The following DSE variants were observed in gnomAD, a reference collection of about 807,000 sequenced individuals.
DSE encodes the protein dermatan-sulfate epimerase.
Under a neutral mutation model 84.4 loss-of-function variants are expected in DSE, and 36 were observed. The ratio of observed to expected loss-of-function variants is 0.43; its 90% confidence interval spans 0.33 to 0.56. The LOEUF is 0.56. Ranked by LOEUF, DSE falls within the 20% of genes least tolerant of loss-of-function variation. The pLI is 0.06. For synonymous variants in DSE, 410 were observed against 430.1 expected, an observed-to-expected ratio of 0.95 and a Z score of 0.58; for missense variants, 862 against 1,169.6, an observed-to-expected ratio of 0.74 and a Z score of 3.84.
chr6:116,278,304 A>G (rs1463967300), intron 2 of DSE: 3 of 600,966 alleles, frequency 5.0e-6, no homozygotes, highest in Non-Finnish European at 8.9e-6. Context: ...GTGATATTCC[A>G]GAACAGCATG....
chr6:116,302,926 A>G (rs1481060097), intron 2 of DSE, among the ~76,000 whole-genome samples: 1 of 152,122 alleles, frequency 6.6e-6, no homozygotes, highest in Non-Finnish European at 1.5e-5. Flanking sequence ...TGTTTTTGTC[A>G]GGTTTGTCAA....
chr6:116,297,879 T>A (rs1018082876), intron 2 of DSE, among the ~76,000 whole-genome samples: 9 of 152,166 alleles, frequency 5.9e-5, no homozygotes, highest in Non-Finnish European at 1.0e-4. Context: ...GTTAAACTAT[T>A]GTTACCAGGA....
intron 1 of DSE, chr6:116,257,299 A>G (rs901477471): frequency 6.6e-6 from 1 of 152,216 alleles, no homozygotes; most frequent in East Asian, 1.9e-4. Flanking sequence ...GGTTTATCCA[A>G]GATCACACAG....
At chr6:116,254,197 A>G in exon 1 of DSE, 3 of 723,034 alleles carry the variant, frequency 4.1e-6, no homozygotes, top group Non-Finnish European at 4.9e-6. Flanking sequence ...ACGCTTATCA[A>G]TCCATCGTAT....
intron 2 of DSE, among the ~76,000 whole-genome samples, chr6:116,272,972 A>C (rs554398932): frequency 6.6e-6 from 1 of 152,208 alleles, no homozygotes; most frequent in Admixed American, 6.5e-5. Context: ...TAAGCTCTCA[A>C]ATGTTTCTGT....
intron 2 of DSE, among the ~76,000 whole-genome samples, chr6:116,309,797 C>T (rs1436657047): frequency 1.3e-5 from 2 of 152,086 alleles, no homozygotes; most frequent in Admixed American, 6.5e-5. Flanking sequence ...GGCAGAAGGA[C>T]AAAAAGGGAG....
intron 2 of DSE, among the ~76,000 whole-genome samples, chr6:116,300,103 ATAAAG>A (rs1429159984): frequency 6.6e-6 from 1 of 152,212 alleles, no homozygotes; most frequent in Non-Finnish European, 1.5e-5. Context: ...TAGTAAGAGA[ATAAAG>A]AAAAGACAGA....
intron 2 of DSE, among the ~76,000 whole-genome samples, chr6:116,403,412 T>C (rs1339861889): frequency 6.6e-6 from 1 of 151,394 alleles, no homozygotes; most frequent in East Asian, 1.9e-4. Context: ...ATTTAATAAA[T>C]TTTATTAAAT....
intron 1 of DSE, among the ~76,000 whole-genome samples, chr6:116,379,594 A>C (rs906659706): frequency 6.6e-6 from 1 of 152,156 alleles, no homozygotes; most frequent in Non-Finnish European, 1.5e-5. Context: ...ATTCCTTCTT[A>C]AACTATTTTG....
At chr6:116,278,943 T>C (rs534170210) in intron 2 of DSE, 1 of 1,614,136 alleles carries the variant, frequency 6.2e-7, no homozygotes, top group East Asian at 2.2e-5. Flanking sequence ...TCTCTGCATC[T>C]TGGCCCCTAA....
intron 2 of DSE, among the ~76,000 whole-genome samples, chr6:116,425,624 A>ATT (rs757527963): frequency 1.2e-5 from 1 of 83,500 alleles, no homozygotes; most frequent in Non-Finnish European, 2.5e-5. Context: ...TTTTTATTTT[A>ATT]TTTTATTTTT....
Position 116,259,163 on chromosome 6 carries a change from G to A in DSE, c.-54+196G>A, listed in dbSNP as rs2114592232. 12 of 893,024 alleles carry A rather than the reference G, an allele frequency of 1.3e-5. No individual in the cohort carries two copies. The South Asian group carries it at 1.5e-4, about 12-fold the overall frequency. The allele number at this position is 893,024 out of a possible 1,614,324, so 55.3% of individuals were successfully genotyped here. ...CTCTGTTGCTCGACGTAGACCATGC[G>A]CCACCCTGGCACAGACAGGAAGAGC... On this transcript the variant is annotated intron_variant, in intron 2 of 3. Coordinates refer to the DSE transcript ENST00000430252.
At chr6:116,393,441 A>C (rs550120530) in intron 1 of DSE, among the ~76,000 whole-genome samples, 1 of 152,338 alleles carries the variant, frequency 6.6e-6, no homozygotes, top group African/African-American at 2.4e-5. Flanking sequence ...ATGAAGATTT[A>C]GTTTCTTTCA....
intron 1 of DSE, among the ~76,000 whole-genome samples, chr6:116,392,252 A>T (rs1424437024): frequency 6.6e-6 from 1 of 152,136 alleles, no homozygotes; most frequent in Non-Finnish European, 1.5e-5. Flanking sequence ...TAAAACTTCA[A>T]TGGAGGCCTG....
At chr6:116,349,618 G>C (rs1394815842) in intron 2 of DSE, among the ~76,000 whole-genome samples, 1 of 152,170 alleles carries the variant, frequency 6.6e-6, no homozygotes, top group Non-Finnish European at 1.5e-5. Context: ...TACCAAATAT[G>C]CTGCTGGGAG....
At chr6:116,386,795 C>A (rs1780602862) in intron 1 of DSE, among the ~76,000 whole-genome samples, 1 of 152,190 alleles carries the variant, frequency 6.6e-6, no homozygotes, top group African/African-American at 2.4e-5. Flanking sequence ...GGTAAAGGGC[C>A]AGTCCTGAAG....
At chr6:116,337,235 T>C (rs1777309808) in intron 2 of DSE, among the ~76,000 whole-genome samples, 1 of 152,162 alleles carries the variant, frequency 6.6e-6, no homozygotes, top group Admixed American at 6.6e-5. Context: ...CTCATATATA[T>C]GAGGAAAATA....
At chr6:116,403,850 T>TA (rs1781753892) in intron 2 of DSE, among the ~76,000 whole-genome samples, 1 of 152,174 alleles carries the variant, frequency 6.6e-6, no homozygotes, top group Non-Finnish European at 1.5e-5. Context: ...TATGATGAAT[T>TA]GCACAGTGTT....
chr6:116,368,136 G>A (rs751609450), upstream of DSE, among the ~76,000 whole-genome samples: 8 of 152,274 alleles, frequency 5.3e-5, no homozygotes, highest in South Asian at 2.1e-4. Flanking sequence ...GCATCTAGGC[G>A]TAAGGGGTCA....
Sources: allele counts gnomAD v4.1 joint callset (sites outside exome capture counted in the v4.1 genomes callset), GRCh38; gene constraint gnomAD v4.1.1; transcripts MANE v1.5; gene names NCBI Gene and HGNC (gene_info 2026-07-23, HGNC 2026-07-21).